The following EVX1 variants were observed in gnomAD, a reference collection of about 807,000 sequenced individuals.
The protein encoded by EVX1 is homeobox even-skipped homolog protein 1.
A neutral mutation model predicts 28.6 loss-of-function variants in EVX1; 19 were observed. The observed-to-expected ratio is 0.67, with a 90% CI of 0.46 to 0.98. The LOEUF is 0.98. EVX1 is among the 50% of genes least tolerant of loss of function. The pLI, the probability that EVX1 is intolerant of heterozygous loss-of-function variation, is 0.00. For missense variants in EVX1, 660 were observed against 583.0 expected (o/e 1.13, Z -1.36); for synonymous variants, 324 against 278.2 (o/e 1.16, Z -1.64).
Position 27,246,326 on chromosome 7 carries a change from C to T in EVX1, c.1125C>T (p.Thr375=). The change falls in exon 3 of 3, where the codon ACC becomes ACT. Residue 375 remains threonine (T), a synonymous_variant. Transcript: ENST00000496902. The part of the protein sequence containing the change: ...AAASDFTCAS[T]SRSDSFLTFA... ...CCTCGGACTTCACCTGTGCCTCCAC[C>T]TCCCGCTCGGACTCCTTCCTCACCT... 1.9e-6 allele frequency: 3 copies of T among 1,598,004 alleles called. No individual in the cohort carries two copies. The highest frequency in any genetic ancestry group is 1.7e-6 in the Non-Finnish European group (2 of 1,177,626).
At position 27,246,554 on chromosome 7, in the gene EVX1, G is replaced by A; in HGVS notation, c.*129G>A. 1.0e-6 allele frequency: 1 copy of A among 985,750 alleles called. No individual in the cohort carries two copies. The highest frequency in any genetic ancestry group is 1.5e-6 in the Non-Finnish European group (1 of 686,428). 61.1% of individuals were successfully genotyped at this position (985,750 alleles called of 1,614,324 possible). A position where few individuals can be genotyped will look rare whatever the true frequency, so the allele number is the denominator to read the frequency against. Reference sequence around the variant, plus strand: ...ACGCCAAGGGGGAAAGGAGAGGGCGGAAAAGGACCAGCGGGATCCGGCCGC... The same window carrying A: ...ACGCCAAGGGGGAAAGGAGAGGGCGAAAAAGGACCAGCGGGATCCGGCCGC... On this transcript the variant is annotated 3_prime_UTR_variant, in exon 3 of 3. Transcript: ENST00000496902.
chr7:27,244,041 T>G (rs986919705), intron 1 of EVX1: 7 of 152,362 alleles, frequency 4.6e-5, no homozygotes, highest in African/African-American at 7.2e-5. Context: ...CGGTTGCATT[T>G]GAAAAGGCAG....
intron 1 of EVX1, chr7:27,244,534 C>G: frequency 1.0e-5 from 10 of 983,320 alleles, no homozygotes; most frequent in Middle Eastern, 2.8e-4. Flanking sequence ...AAATAAGATA[C>G]TCAACATGCA....
At position 27,246,435 on chromosome 7, in the gene EVX1, G is replaced by T; in HGVS notation, c.*10G>T. ...GCCCCTCACTAGATAAGGGGCCGCC[G>T]GCTGGCTGCCGGCTCCATGACGCCC... is the stretch of plus-strand genomic sequence containing the variant. On this transcript the variant is annotated 3_prime_UTR_variant, in exon 3 of 3. Coordinates refer to ENST00000496902, the MANE Select transcript of EVX1 (RefSeq NM_001989.5). 1.3e-6 allele frequency: 2 copies of T among 1,587,382 alleles called. No individual in the cohort carries two copies. Among genetic ancestry groups the T allele is most frequent in the Non-Finnish European group, 1.7e-6 (2 of 1,173,898 alleles).
intron 2 of EVX1, among the ~76,000 whole-genome samples, chr7:27,245,595 T>C (rs993050600): frequency 2.6e-5 from 4 of 152,142 alleles, no homozygotes; most frequent in African/African-American, 9.7e-5. Context: ...CGCAGACCAA[T>C]TGAGTCCATG....
chr7:27,243,260 C>G lies in EVX1; in HGVS notation c.230C>G (p.Ala77Gly). Reference sequence around the variant, plus strand: ...CCGGTAGATGGACTCGCAGGCAGCGCGGCGGGGCCGGGCGCCGAGCCCCAG... The same window carrying G: ...CCGGTAGATGGACTCGCAGGCAGCGGGGCGGGGCCGGGCGCCGAGCCCCAG... ...EEPVDGLAGSAAGPGAEPQVA... is the reference protein window; with the variant it reads ...EEPVDGLAGSGAGPGAEPQVA... Residue 77 changes from alanine (A) to glycine (G), a missense_variant, in exon 1 of 3, where the codon GCG (alanine) becomes GGG (glycine). This residue lies in a region of EVX1 where 308 missense variants were observed against 256.6 expected (regional missense o/e 1.20). Coordinates refer to ENST00000496902, the MANE Select transcript of EVX1 (RefSeq NM_001989.5). 1 of 1,543,298 alleles carries G rather than the reference C, an allele frequency of 6.5e-7. No individual in the cohort carries two copies. Among genetic ancestry groups the G allele is most frequent in the Non-Finnish European group, 8.7e-7 (1 of 1,144,848 alleles).
At chr7:27,244,710 T>C (rs1297336767) in intron 1 of EVX1, among the ~76,000 whole-genome samples, 2 of 152,204 alleles carry the variant, frequency 1.3e-5, no homozygotes, top group Non-Finnish European at 2.9e-5. Context: ...TCTCAACTCA[T>C]GTGCCTGTCA....
rs2074399 is a variant in EVX1, at chr7:27,242,864, G to A, written c.-167G>A. The stretch of plus-strand genomic sequence containing the variant: ...GGTGACCCTAGCTCCCACCGCCACC[G>A]CCGCGGTCGCGGTCCAGACCGCGCT... On this transcript the variant is annotated 5_prime_UTR_variant, in exon 1 of 3. Coordinates refer to ENST00000496902, the MANE Select transcript of EVX1 (RefSeq NM_001989.5). The A allele has an allele frequency of 0.81, 546,509 of 674,978 alleles. 228,511 individuals are homozygous for A. Among genetic ancestry groups the A allele is most frequent in the South Asian group, 0.9 (43,095 of 47,930 alleles). 41.8% of individuals were successfully genotyped at this position (674,978 alleles called of 1,614,324 possible). A position where few individuals can be genotyped will look rare whatever the true frequency, so the allele number is the denominator to read the frequency against.
chr7:27,244,950 T>C, intron 1 of EVX1, 98 bp from the exon 2 acceptor site: 3 of 1,507,608 alleles, frequency 2.0e-6, no homozygotes, highest in Non-Finnish European at 2.7e-6. Flanking sequence ...AGGGTGTCCC[T>C]TCCCAAATCA....
At chr7:27,244,009 T>C (rs1048345886) in intron 1 of EVX1, 1 of 152,442 alleles carries the variant, frequency 6.6e-6, no homozygotes, top group Non-Finnish European at 1.5e-5. Flanking sequence ...ATGGTCCCAA[T>C]GGTCTAATTG....
chr7:27,246,593 C>A lies in EVX1; in HGVS notation c.*168C>A. The A allele has an allele frequency of 1.4e-6, 1 of 736,190 alleles. No homozygotes were observed. Among genetic ancestry groups the A allele is most frequent in the Non-Finnish European group, 2.1e-6 (1 of 474,152 alleles). 45.6% of individuals were successfully genotyped at this position (736,190 alleles called of 1,614,324 possible). Reference sequence around the variant, plus strand: ...GGATCCGGCCGCAAGAATTGGAAAGCCTAGGAAGTGGCGGTGGCTGGCGCG... The same window carrying A: ...GGATCCGGCCGCAAGAATTGGAAAGACTAGGAAGTGGCGGTGGCTGGCGCG... On this transcript the variant is annotated 3_prime_UTR_variant, in exon 3 of 3. Coordinates refer to ENST00000496902, the MANE Select transcript of EVX1 (RefSeq NM_001989.5).
intron 2 of EVX1, 135 bp downstream of exon 2, chr7:27,245,439 T>A (rs1783145326): frequency 2.4e-6 from 3 of 1,275,190 alleles, no homozygotes; most frequent in Non-Finnish European, 3.3e-6. Flanking sequence ...AGATTGACCC[T>A]CGTGACAGCT....
intron 2 of EVX1, 47 bp downstream of exon 2, chr7:27,245,351 G>A (rs1783142043): frequency 2.5e-6 from 4 of 1,600,718 alleles, no homozygotes; most frequent in South Asian, 2.2e-5. Flanking sequence ...CTATTTAGCG[G>A]GAAGTAAATG....
rs1472529424 is a variant in EVX1, at chr7:27,245,098, C to T, written c.478C>T (p.Pro160Ser). 1 of 1,613,172 alleles carries T rather than the reference C, an allele frequency of 6.2e-7. No individual in the cohort carries two copies. Among genetic ancestry groups the T allele is most frequent in the Non-Finnish European group, 8.5e-7 (1 of 1,179,960 alleles). The change falls in exon 2 of 3, where the codon CCC becomes TCC. Residue 160 changes from proline (P) to serine (S), a missense_variant. By Grantham distance (74) the Pro-to-Ser change is moderately conservative. This residue lies in a region of EVX1 where 308 missense variants were observed against 256.6 expected (regional missense o/e 1.20). Coordinates refer to ENST00000496902, the MANE Select transcript of EVX1 (RefSeq NM_001989.5). ...CAGTCCGAACGGAGGGAGCGAGACCCCCAAGAGCAACGGCGGCAGTGGTGG... is the reference window on the plus strand; with the variant it reads ...CAGTCCGAACGGAGGGAGCGAGACCTCCAAGAGCAACGGCGGCAGTGGTGG... ...VGSPNGGSET[P>S]KSNGGSGGGG...
At position 27,246,090 on chromosome 7, in the gene EVX1, G is replaced by A; in HGVS notation, c.889G>A (p.Ala297Thr). ...CGCCGCATCCGCCGCCTCCGCCGCC[G>A]CCTCGCCCTTCAGCGGCTCGCTGCG... ...LGAASAASAA[A>T]SPFSGSLRPL... Residue 297 changes from alanine to threonine, a missense_variant, in exon 3 of 3, where the codon GCC becomes ACC. Transcript: ENST00000496902. 2 of 1,565,718 alleles carry A rather than the reference G, an allele frequency of 1.3e-6. No homozygotes were observed. The highest frequency in any genetic ancestry group is 2.3e-5 in the South Asian group (2 of 87,460).
Position 27,242,966 on chromosome 7 carries a change from G to A in EVX1, c.-65G>A, listed in dbSNP as rs1243283852. On this transcript the variant is annotated 5_prime_UTR_variant, in exon 1 of 3. Transcript: ENST00000496902. ...AACCAAGATCCGTCCGGCCGCTGGA[G>A]ACCCAGGGAGCCGGGGTTAGGAACT... 1.1e-5 allele frequency: 15 copies of A among 1,401,796 alleles called. No individual in the cohort carries two copies. The highest frequency in any genetic ancestry group is 1.9e-6 in the Non-Finnish European group (2 of 1,063,158). The allele number at this position is 1,401,796 out of a possible 1,614,324, so 86.8% of individuals were successfully genotyped here. A position where few individuals can be genotyped will look rare whatever the true frequency, so the allele number is the denominator to read the frequency against.
chr7:27,243,939 C>T (rs757508439), intron 1 of EVX1: 162 of 153,612 alleles, frequency 1.1e-3, no homozygotes, highest in Middle Eastern at 3.0e-3. Flanking sequence ...CCAGTTTGCA[C>T]GTCGGTCAGA....
rs762250672 is a variant in EVX1, at chr7:27,246,064, GCGCCGCATC to G, written c.870_878del (p.Ser294_Ala296del). 7.0e-6 allele frequency: 11 copies of G among 1,582,364 alleles called. No homozygotes were observed. In the African/African-American group the frequency reaches 8.2e-5, roughly 12 times the overall value. On this transcript the variant is annotated inframe_deletion, in exon 3 of 3. Coordinates refer to ENST00000496902, the MANE Select transcript of EVX1 (RefSeq NM_001989.5). ...CCCTACTACTCGCCGGTGGGCCTGG[GCGCCGCATC>G]CGCCGCCTCCGCCGCCGCCTCGCCC...
At position 27,245,890 on chromosome 7, in the gene EVX1, G is replaced by T. The variant is rs1394467495; in HGVS notation, c.689G>T (p.Trp230Leu). 1.2e-6 allele frequency: 2 copies of T among 1,611,462 alleles called. No individual in the cohort carries two copies. The highest frequency in any genetic ancestry group is 1.7e-6 in the Non-Finnish European group (2 of 1,179,668). Residue 230 changes from tryptophan to leucine, a missense_variant, in exon 3 of 3, where the codon TGG (tryptophan) becomes TTG (leucine). This residue lies in a region of EVX1 where 53 missense variants were observed against 85.1 expected (regional missense o/e 0.62). Coordinates refer to ENST00000496902, the MANE Select transcript of EVX1 (RefSeq NM_001989.5). ...LNLPETTIKV[W>L]FQNRRMKDKR... is the part of the protein sequence containing the mutation. The stretch of plus-strand genomic sequence containing the variant: ...CTGCTCCGCTCCTCTCCCCAGGTGT[G>T]GTTCCAGAACCGGCGCATGAAGGAC...
Sources: allele counts gnomAD v4.1 joint callset (sites outside exome capture counted in the v4.1 genomes callset), GRCh38; gene constraint gnomAD v4.1.1; regional missense constraint gnomAD v4.1.1; transcripts MANE v1.5; gene names NCBI Gene and HGNC (gene_info 2026-07-23, HGNC 2026-07-21).